The following EI24 variants were observed in gnomAD, a reference collection of about 807,000 sequenced individuals.
EI24 encodes the protein EI24 autophagy associated transmembrane protein, also known as etoposide-induced protein 2.4 homolog.
A neutral mutation model predicts 48.6 loss-of-function variants in EI24; 21 were observed. The observed-to-expected ratio is 0.43, with a 90% CI of 0.31 to 0.62. The LOEUF is 0.62. EI24 is among the 20% of genes least tolerant of loss of function. The pLI, the probability that EI24 is intolerant of heterozygous loss-of-function variation, is 0.10. For synonymous variants in EI24, 114 were observed against 145.5 expected, an observed-to-expected ratio of 0.78 and a Z score of 1.56; for missense variants, 280 against 410.5, an observed-to-expected ratio of 0.68 and a Z score of 2.75.
intron 1 of EI24, chr11:125,570,590 G>A (rs1938499762): frequency 6.6e-6 from 1 of 152,244 alleles, no homozygotes; most frequent in Non-Finnish European, 1.5e-5. Flanking sequence ...TGTGGACTGA[G>A]ACAGAATGTT....
chr11:125,578,401 C>A lies in EI24; in HGVS notation c.441+144C>A, dbSNP rs1938838848. 7 of 893,474 alleles carry A rather than the reference C, an allele frequency of 7.8e-6. No individual in the cohort carries two copies. In the South Asian group the frequency reaches 1.2e-4, roughly 15 times the overall value. The allele number at this position is 893,474 out of a possible 1,614,324, so 55.3% of individuals were successfully genotyped here. On this transcript the variant is annotated intron_variant, in intron 6 of 10. Coordinates refer to ENST00000278903, the MANE Select transcript of EI24 (RefSeq NM_004879.5). Reference sequence around the variant, plus strand: ...CTTGGCCAGGTAGCCAGTAGCTGATCTTTGTGTTCTTACAGAATGGAATTA... The same window carrying A: ...CTTGGCCAGGTAGCCAGTAGCTGATATTTGTGTTCTTACAGAATGGAATTA...
intron 3 of EI24, 123 bp downstream of exon 3, chr11:125,575,531 TC>T: frequency 2.6e-6 from 3 of 1,154,784 alleles, no homozygotes; most frequent in Non-Finnish European, 1.2e-6. Context: ...GCAAGTGATT[TC>T]CCCCCAACAA....
In EI24 at chr11:125,580,142, GTC is replaced by G. The variant is rs1938934573; in HGVS notation, c.614_615del (p.Leu205ProfsTer13). The G allele has an allele frequency of 6.2e-7, 1 of 1,613,814 alleles. No individual in the cohort carries two copies. Among genetic ancestry groups the G allele is most frequent in the African/African-American group, 1.3e-5 (1 of 74,926 alleles). On this transcript the variant is annotated frameshift_variant, in exon 8 of 11. Coordinates refer to ENST00000278903, the MANE Select transcript of EI24 (RefSeq NM_004879.5). LOFTEE classifies it high-confidence loss of function. Reference sequence around the variant, plus strand: ...ATCCATCTTGTCGGTCAGCTGGTTAGTCTCCTGCATATGTCCCTTCTCTACTC... The same window carrying G: ...ATCCATCTTGTCGGTCAGCTGGTTAGTCCTGCATATGTCCCTTCTCTACTC...
intron 4 of EI24, 106 bp downstream of exon 4, chr11:125,576,421 G>T: frequency 1.0e-6 from 1 of 993,318 alleles, no homozygotes; most frequent in Non-Finnish European, 1.6e-6. Flanking sequence ...GTTTTCATCT[G>T]CTGATGTACA....
chr11:125,571,824 G>T (rs1414977536), intron 1 of EI24, among the ~76,000 whole-genome samples: 1 of 152,170 alleles, frequency 6.6e-6, no homozygotes, highest in Non-Finnish European at 1.5e-5. Flanking sequence ...GTTGCAGTGA[G>T]CCGAGCCCAG....
In EI24 at chr11:125,572,580, CTT is replaced by C; in HGVS notation, c.42+12_42+13del. 1 of 1,609,990 alleles carries C rather than the reference CTT, an allele frequency of 6.2e-7. No homozygotes were observed. The highest frequency in any genetic ancestry group is 8.5e-7 in the Non-Finnish European group (1 of 1,178,108). ...CAGGACCTTGCCAGAGTGAGTACAT[CTT>C]GTTTATAGGAATTCATCTCTCGGCC... On this transcript the variant is annotated intron_variant, in intron 2 of 10. Coordinates refer to ENST00000278903, the MANE Select transcript of EI24 (RefSeq NM_004879.5).
chr11:125,572,486 C>T lies in EI24; in HGVS notation c.-42C>T. The T allele has an allele frequency of 1.9e-6, 3 of 1,594,768 alleles. No homozygotes were observed. The highest frequency in any genetic ancestry group is 1.7e-6 in the Non-Finnish European group (2 of 1,162,912). ...CTTCATGATGAGAGATTTGGGGACA[C>T]TTCTCTCTCCTGTGTGTAGTTGATA... On this transcript the variant is annotated 5_prime_UTR_variant, in exon 2 of 11. Transcript: ENST00000278903.
chr11:125,583,375 A>G, intron 10 of EI24, 146 bp from the exon 11 acceptor site: 1 of 684,034 alleles, frequency 1.5e-6, no homozygotes, highest in South Asian at 2.1e-5. Flanking sequence ...TGTTCCATCC[A>G]TGTATCTAAT....
At chr11:125,570,776 A>G (rs1938505247) in intron 1 of EI24, among the ~76,000 whole-genome samples, 1 of 152,284 alleles carries the variant, frequency 6.6e-6, no homozygotes, top group African/African-American at 2.4e-5. Context: ...CCCTTAATTT[A>G]TAGATGAGCC....
intron 5 of EI24, 135 bp from the exon 6 acceptor site, chr11:125,577,998 T>C: frequency 1.0e-6 from 1 of 964,672 alleles, no homozygotes; most frequent in East Asian, 2.6e-5. Context: ...CTCTTTGAGA[T>C]AGGTATAGTG....
chr11:125,579,947 A>AGT, intron 7 of EI24, 146 bp from the exon 8 acceptor site: 1 of 683,148 alleles, frequency 1.5e-6, no homozygotes, highest in Non-Finnish European at 2.6e-6. Flanking sequence ...TACAGGAATG[A>AGT]GTCACTGTGC....
chr11:125,575,909 G>C (rs773296341), intron 3 of EI24: 1 of 385,550 alleles, frequency 2.6e-6, no homozygotes, highest in Non-Finnish European at 5.2e-6. Flanking sequence ...CTGCCTCAGC[G>C]AACCGGCTGG....
intron 8 of EI24, 53 bp from the exon 9 acceptor site, chr11:125,581,158 C>T: frequency 1.7e-6 from 2 of 1,165,898 alleles, no homozygotes; most frequent in Non-Finnish European, 1.2e-6. Flanking sequence ...GTTACTTAGT[C>T]ACTTGACTAA....
chr11:125,581,537 CTTTTTTTTT>C (rs33956827), intron 9 of EI24, among the ~76,000 whole-genome samples: 13 of 50,746 alleles, frequency 2.6e-4, no homozygotes, highest in East Asian at 1.5e-3. Context: ...AGCAATTATT[CTTTTTTTTT>C]TTTTTTTTTT....
At chr11:125,578,827 A>G (rs1938865577) in intron 6 of EI24, 122 bp from the exon 7 acceptor site, 2 of 1,203,768 alleles carry the variant, frequency 1.7e-6, no homozygotes, top group Non-Finnish European at 1.1e-6. Context: ...CATCGTGCCC[A>G]GCTTATTTTT....
At chr11:125,582,518 T>C (rs1032114782) in intron 10 of EI24, 98 bp downstream of exon 10, 1 of 936,198 alleles carries the variant, frequency 1.1e-6, no homozygotes, top group Non-Finnish European at 1.6e-6. Flanking sequence ...AAATTCTTAC[T>C]GTAGGAAAAT....
Position 125,572,578 on chromosome 11 carries a change from A to G in EI24, c.42+9A>G. On this transcript the variant is annotated intron_variant, in intron 2 of 10. Coordinates refer to ENST00000278903, the MANE Select transcript of EI24 (RefSeq NM_004879.5). Reference sequence around the variant, plus strand: ...TCCAGGACCTTGCCAGAGTGAGTACATCTTGTTTATAGGAATTCATCTCTC... The same window carrying G: ...TCCAGGACCTTGCCAGAGTGAGTACGTCTTGTTTATAGGAATTCATCTCTC... 1 of 1,610,900 alleles carries G rather than the reference A, an allele frequency of 6.2e-7. No homozygotes were observed. The highest frequency in any genetic ancestry group is 8.5e-7 in the Non-Finnish European group (1 of 1,179,058).
chr11:125,582,540 G>A, intron 10 of EI24, 120 bp downstream of exon 10: 1 of 746,638 alleles, frequency 1.3e-6, no homozygotes, highest in Non-Finnish European at 2.1e-6. Context: ...TTAATATAAG[G>A]TTTAATGAGA....
chr11:125,577,445 T>C, intron 4 of EI24, 59 bp from the exon 5 acceptor site: 1 of 1,498,030 alleles, frequency 6.7e-7, no homozygotes, highest in South Asian at 1.2e-5. Context: ...CACTAAAAAT[T>C]GAAGCTCCTG....
Sources: gnomAD v4.1 joint callset for allele counts (sites outside exome capture counted in the v4.1 genomes callset) on GRCh38, gnomAD v4.1.1 for gene constraint, MANE v1.5 for transcripts, NCBI Gene and HGNC (gene_info 2026-07-23, HGNC 2026-07-21) for gene names.